The following TET1 variants were observed in gnomAD, a reference collection of about 807,000 sequenced individuals.
TET1 encodes the protein methylcytosine dioxygenase TET1.
TET1 carries 13 observed loss-of-function variants against 148.7 expected under a neutral mutation model. That is an observed-to-expected ratio of 0.09 (90% CI 0.06 to 0.14). TET1 has a LOEUF of 0.14. TET1 is among the 10% of genes least tolerant of loss of function. The pLI, the probability that TET1 is intolerant of heterozygous loss-of-function variation, is 1.00. For missense variants in TET1, 2,182 were observed against 2,553.8 expected, an observed-to-expected ratio of 0.85 and a Z score of 3.14; for synonymous variants, 907 against 937.2, an observed-to-expected ratio of 0.97 and a Z score of 0.59.
rs766249705 is a variant in TET1, at chr10:68,690,884, C to A, written c.5481C>A (p.Asn1827Lys). ...EPHFILKSSD[N>K]TKTYSLMPSA... The stretch of plus-strand genomic sequence containing the variant: ...ATTTTATCTTAAAAAGTTCAGACAA[C>A]ACTAAAACTTATTCGCTGATGCCAT... The change falls in exon 12 of 12, where the codon AAC becomes AAA. Residue 1827 changes from asparagine (N) to lysine (K), a missense_variant. This residue lies in a region of TET1 where 380 missense variants were observed against 387.9 expected (regional missense o/e 0.98). Transcript: ENST00000373644. 1.9e-6 allele frequency: 3 copies of A among 1,614,206 alleles called. No homozygotes were observed. The East Asian group carries it at 6.7e-5, about 36-fold the overall frequency.
Position 68,686,661 on chromosome 10 carries a change from C to T in TET1, c.5358C>T (p.Asn1786=), listed in dbSNP as rs1315135967. 1.2e-6 allele frequency: 2 copies of T among 1,614,124 alleles called. No homozygotes were observed. The highest frequency in any genetic ancestry group is 2.2e-5 in the East Asian group (1 of 44,876). ...KPIPRIKRKN[N]STTTNNSKPS... ...TTCCCCGAATCAAGCGGAAGAATAA[C>T]TCAACAACAACAAACAACAGTAAGC... is the stretch of plus-strand genomic sequence containing the variant. The change falls in exon 11 of 12, where the codon AAC becomes AAT. Residue 1786 remains asparagine (N), a synonymous_variant. Coordinates refer to ENST00000373644, the MANE Select transcript of TET1 (RefSeq NM_030625.3).
intron 6 of TET1, among the ~76,000 whole-genome samples, chr10:68,661,245 T>TTAGTAGA (rs1255610126): frequency 1.4e-5 from 2 of 140,454 alleles, no homozygotes; most frequent in Non-Finnish European, 3.1e-5. Flanking sequence ...AGACGGGGTT[T>TTAGTAGA]CACCATGTTA....
At chr10:68,582,952 T>C (rs978225646) in intron 2 of TET1, among the ~76,000 whole-genome samples, 1 of 152,204 alleles carries the variant, frequency 6.6e-6, no homozygotes, top group African/African-American at 2.4e-5. Context: ...CCTCCAAGTT[T>C]GTCAGTATAA....
chr10:68,596,270 A>T (rs1190218709), intron 2 of TET1, among the ~76,000 whole-genome samples: 1 of 151,808 alleles, frequency 6.6e-6, no homozygotes, highest in East Asian at 1.9e-4. Context: ...ACTGAAAATC[A>T]AGAGGATTTG....
intron 6 of TET1, among the ~76,000 whole-genome samples, chr10:68,662,587 G>A (rs1056147629): frequency 6.6e-6 from 1 of 151,920 alleles, no homozygotes; most frequent in African/African-American, 2.4e-5. Context: ...TATAATATGT[G>A]TATGTATAAT....
chr10:68,569,016 G>C (rs994382916), intron 1 of TET1, among the ~76,000 whole-genome samples: 3 of 152,018 alleles, frequency 2.0e-5, no homozygotes, highest in African/African-American at 4.8e-5. Flanking sequence ...CAGATGTATT[G>C]GACCTGTGAG....
chr10:68,593,230 CAAAAAAA>C (rs576381158), intron 2 of TET1, among the ~76,000 whole-genome samples: 4 of 43,206 alleles, frequency 9.3e-5, no homozygotes, highest in South Asian at 1.9e-3. Flanking sequence ...AACTCTGTCT[CAAAAAAA>C]AAAAAAAAAA....
chr10:68,675,280 T>C (rs565700565), intron 8 of TET1, among the ~76,000 whole-genome samples: 1 of 152,350 alleles, frequency 6.6e-6, no homozygotes, highest in South Asian at 2.1e-4. Context: ...TACTTACTTG[T>C]AACATGCCTG....
intron 7 of TET1, among the ~76,000 whole-genome samples, chr10:68,668,303 A>G (rs1411999030): frequency 6.6e-6 from 1 of 152,146 alleles, no homozygotes; most frequent in Admixed American, 6.5e-5. Context: ...TTGGATCTGG[A>G]TGTTGAGTGG....
Position 68,691,979 on chromosome 10 carries a change from A to G in TET1, c.*165A>G. The G allele has an allele frequency of 1.3e-6, 1 of 788,612 alleles. No individual in the cohort carries two copies. Among genetic ancestry groups the G allele is most frequent in the South Asian group, 2.4e-5 (1 of 41,436 alleles). 48.9% of individuals were successfully genotyped at this position (788,612 alleles called of 1,614,324 possible). A position where few individuals can be genotyped will look rare whatever the true frequency, so the allele number is the denominator to read the frequency against. On this transcript the variant is annotated 3_prime_UTR_variant, in exon 12 of 12. Coordinates refer to ENST00000373644, the MANE Select transcript of TET1 (RefSeq NM_030625.3). The surrounding 1 kb of genome is among the most constrained non-coding windows in gnomAD (Gnocchi z 4.4). ...AACGGGGTGGGTATTCTTAACTGTG[A>G]CTATATTTTGACAATTGGTAGAAGG...
At chr10:68,578,496 G>A (rs540343564) in intron 2 of TET1, among the ~76,000 whole-genome samples, 1 of 152,220 alleles carries the variant, frequency 6.6e-6, no homozygotes, top group East Asian at 1.9e-4. Context: ...TGACTCAGGT[G>A]ATCTGCCTGC....
chr10:68,686,714 C>A lies in TET1; in HGVS notation c.5404+7C>A. On this transcript the variant is annotated splice_region_variant and intron_variant, in intron 11 of 11. Coordinates refer to ENST00000373644, the MANE Select transcript of TET1 (RefSeq NM_030625.3). The stretch of plus-strand genomic sequence containing the variant: ...TCGTCACTGCCAACCTTAGGTGAGC[C>A]CTATGGAACCTGGTAATCTCTGCAC... The A allele has an allele frequency of 6.2e-7, 1 of 1,603,736 alleles. No homozygotes were observed. The highest frequency in any genetic ancestry group is 8.5e-7 in the Non-Finnish European group (1 of 1,174,524).
At chr10:68,652,017 C>T (rs1245673490) in intron 5 of TET1, 81 bp downstream of exon 5, 6 of 1,284,836 alleles carry the variant, frequency 4.7e-6, no homozygotes, top group East Asian at 2.3e-5. Context: ...TAAGAACAAA[C>T]GCCGTGATTG....
chr10:68,673,471 C>T (rs879755260), intron 8 of TET1: 26 of 389,166 alleles, frequency 6.7e-5, no homozygotes, highest in African/African-American at 1.5e-4. Flanking sequence ...CGAATCAGTC[C>T]GGGACACGAG....
At chr10:68,643,261 C>A (rs1208207050) in intron 3 of TET1, among the ~76,000 whole-genome samples, 1,605 of 91,690 alleles carry the variant, frequency 0.018, no homozygotes, top group South Asian at 0.026. Context: ...GACCCTGTCT[C>A]AAAAAAAAAA....
chr10:68,647,616 A>G (rs574718732), intron 4 of TET1, among the ~76,000 whole-genome samples: 1 of 152,184 alleles, frequency 6.6e-6, no homozygotes, highest in East Asian at 1.9e-4. Flanking sequence ...AAAAAAAAGA[A>G]AGAAAGAAAT....
At position 68,572,276 on chromosome 10, in the gene TET1, G is replaced by A. The variant is rs968935116; in HGVS notation, c.-63G>A. 1.4e-6 allele frequency: 2 copies of A among 1,417,524 alleles called. No individual in the cohort carries two copies. Among genetic ancestry groups the A allele is most frequent in the South Asian group, 1.5e-5 (1 of 68,498 alleles). 87.8% of individuals were successfully genotyped at this position (1,417,524 alleles called of 1,614,324 possible). A position where few individuals can be genotyped will look rare whatever the true frequency, so the allele number is the denominator to read the frequency against. On this transcript the variant is annotated 5_prime_UTR_variant, in exon 2 of 12. Coordinates refer to ENST00000373644, the MANE Select transcript of TET1 (RefSeq NM_030625.3). The stretch of plus-strand genomic sequence containing the variant: ...GCATCCAGATTCTCCTCAGAAGTGA[G>A]ACTTTCCAAAGGACCAATGACTCTG...
intron 3 of TET1, among the ~76,000 whole-genome samples, chr10:68,635,003 C>A (rs1220801752): frequency 1.3e-5 from 2 of 151,570 alleles, no homozygotes; most frequent in Non-Finnish European, 2.9e-5. Context: ...CCATGTTGGC[C>A]AGGCTGGTCT....
chr10:68,649,603 C>CT (rs1227260766), intron 4 of TET1, among the ~76,000 whole-genome samples: 1 of 125,346 alleles, frequency 8.0e-6, no homozygotes, highest in African/African-American at 3.7e-5. Context: ...GAGACTCTGT[C>CT]TCAAAAAAAA....
Sources: gnomAD v4.1 joint callset for allele counts (sites outside exome capture counted in the v4.1 genomes callset) on GRCh38, gnomAD v4.1.1 for gene constraint, gnomAD v4.1.1 regional missense constraint, Gnocchi (gnomAD v3.1) non-coding constraint, MANE v1.5 for transcripts, NCBI Gene and HGNC (gene_info 2026-07-23, HGNC 2026-07-21) for gene names.